ANKS1B: variants seen among roughly 807,000 people sequenced by gnomAD.
ANKS1B encodes ankyrin repeat and sterile alpha motif domain-containing protein 1B.
ANKS1B carries 36 observed loss-of-function variants against 148.3 expected under a neutral mutation model. The ratio of observed to expected loss-of-function variants is 0.24; its 90% CI spans 0.19 to 0.32. The LOEUF (loss-of-function observed/expected upper bound fraction) is 0.32, where lower values mean the gene tolerates loss of function less well. ANKS1B is among the 10% of genes least tolerant of loss of function. ANKS1B has a pLI of 1.00. For missense variants in ANKS1B, 1,157 were observed against 1,542.6 expected, an observed-to-expected ratio of 0.75 and a Z score of 4.19; for synonymous variants, 542 against 560.8, an observed-to-expected ratio of 0.97 and a Z score of 0.47.
chr12:99,138,993 C>T (rs2069135439), intron 15 of ANKS1B, among the ~76,000 whole-genome samples: 1 of 148,588 alleles, frequency 6.7e-6, no homozygotes, highest in African/African-American at 2.5e-5. Context: ...TCCCTCCCTC[C>T]CTCAACCTCT....
intron 17 of ANKS1B, among the ~76,000 whole-genome samples, chr12:98,908,238 C>A (rs981417415): frequency 6.6e-6 from 1 of 152,166 alleles, no homozygotes; most frequent in Non-Finnish European, 1.5e-5. Context: ...TCATTTTATA[C>A]CAGGCCTTGC....
chr12:98,836,078 G>T (rs1019291157), intron 17 of ANKS1B, among the ~76,000 whole-genome samples: 1 of 152,102 alleles, frequency 6.6e-6, no homozygotes, highest in Non-Finnish European at 1.5e-5. Context: ...ACATGGCTAG[G>T]ATGTGCACCT....
chr12:98,988,392 A>G (rs2099924669), intron 17 of ANKS1B, among the ~76,000 whole-genome samples: 1 of 151,966 alleles, frequency 6.6e-6, no homozygotes, highest in Admixed American at 6.5e-5. Context: ...CACTTAACAT[A>G]ATGTCCTTGA....
chr12:99,806,765 CAG>C, intron 3 of ANKS1B, 65 bp from the exon 4 acceptor site: 1 of 1,470,012 alleles, frequency 6.8e-7, no homozygotes, highest in Non-Finnish European at 9.3e-7. Flanking sequence ...AATCTTAACA[CAG>C]TAATTTAAAA....
intron 12 of ANKS1B, among the ~76,000 whole-genome samples, chr12:99,385,957 T>G (rs1173371098): frequency 2.6e-5 from 4 of 152,184 alleles, no homozygotes; most frequent in Non-Finnish European, 5.9e-5. Flanking sequence ...GTTTGTTTAG[T>G]TAATAGTGCT....
intron 17 of ANKS1B, among the ~76,000 whole-genome samples, chr12:98,927,071 C>T (rs2099809257): frequency 6.6e-6 from 1 of 152,100 alleles, no homozygotes; most frequent in South Asian, 2.1e-4. Context: ...TACTACATTA[C>T]AGCCAAACTT....
intron 19 of ANKS1B, among the ~76,000 whole-genome samples, chr12:98,813,469 G>A (rs536061434): frequency 6.0e-4 from 91 of 151,494 alleles, no homozygotes; most frequent in African/African-American, 2.1e-3. Context: ...TGCCTTCTTC[G>A]GCCTCCGGAA....
chr12:99,424,983 T>G (rs555973755), intron 11 of ANKS1B, among the ~76,000 whole-genome samples: 1 of 152,128 alleles, frequency 6.6e-6, no homozygotes, highest in South Asian at 2.1e-4. Context: ...ACCTCACTTC[T>G]AAGTTCTTTT....
chr12:99,267,586 T>TTCATTCATTCATTC (rs1566772319), intron 12 of ANKS1B, among the ~76,000 whole-genome samples: 7 of 93,614 alleles, frequency 7.5e-5, no homozygotes, highest in African/African-American at 2.5e-4. Flanking sequence ...TTCATTCATT[T>TTCATTCATTCATTC]ATTCAATCTT....
At chr12:99,616,946 A>C (rs987342903) in intron 9 of ANKS1B, among the ~76,000 whole-genome samples, 5 of 152,178 alleles carry the variant, frequency 3.3e-5, no homozygotes, top group South Asian at 4.1e-4. Context: ...TTTACAAGAA[A>C]AAAAAACAAA....
intron 10 of ANKS1B, among the ~76,000 whole-genome samples, chr12:99,501,580 C>G (rs1035678016): frequency 2.6e-5 from 4 of 152,104 alleles, no homozygotes; most frequent in Non-Finnish European, 4.4e-5. Flanking sequence ...CCTTGGAGTC[C>G]CCTTGGGGTG....
intron 8 of ANKS1B, among the ~76,000 whole-genome samples, chr12:99,661,363 T>A (rs1279173994): frequency 3.9e-5 from 6 of 152,178 alleles, no homozygotes; most frequent in Admixed American, 3.9e-4. Context: ...ACATACAGCT[T>A]AGAAGGTATA....
intron 17 of ANKS1B, among the ~76,000 whole-genome samples, chr12:99,010,472 G>A (rs1195465179): frequency 6.6e-6 from 1 of 152,090 alleles, no homozygotes; most frequent in African/African-American, 2.4e-5. Flanking sequence ...AAGGAGTGAG[G>A]ACCAACATAT....
intron 9 of ANKS1B, among the ~76,000 whole-genome samples, chr12:99,625,808 G>A (rs1350051481): frequency 6.6e-6 from 1 of 152,130 alleles, no homozygotes; most frequent in Non-Finnish European, 1.5e-5. Flanking sequence ...ATCACAGAGA[G>A]TAGTAAGAAA....
chr12:98,974,228 GTTGT>G (rs2099887850), intron 17 of ANKS1B, among the ~76,000 whole-genome samples: 1 of 152,156 alleles, frequency 6.6e-6, no homozygotes, highest in Non-Finnish European at 1.5e-5. Context: ...CCAGCTCAGT[GTTGT>G]TTGTGTTATA....
At chr12:99,155,213 T>A in intron 14 of ANKS1B, 1 of 1,106,880 alleles carries the variant, frequency 9.0e-7, no homozygotes, top group Non-Finnish European at 1.2e-6. Context: ...TCCTGTCTTT[T>A]CTTCTTCCTT....
intron 17 of ANKS1B, among the ~76,000 whole-genome samples, chr12:98,911,322 A>G (rs907857212): frequency 4.6e-5 from 7 of 152,290 alleles, no homozygotes; most frequent in African/African-American, 1.7e-4. Flanking sequence ...TCAGGGACCT[A>G]AAGAAAGCAT....
At chr12:98,975,774 C>T (rs1395523739) in intron 17 of ANKS1B, among the ~76,000 whole-genome samples, 2 of 152,004 alleles carry the variant, frequency 1.3e-5, no homozygotes, top group African/African-American at 4.8e-5. Flanking sequence ...TAAGAGTGAA[C>T]ACACACCTGC....
chr12:99,426,459 T>A (rs2095256599), intron 11 of ANKS1B, among the ~76,000 whole-genome samples: 1 of 152,202 alleles, frequency 6.6e-6, no homozygotes, highest in African/African-American at 2.4e-5. Context: ...TTAGCATTTA[T>A]TGCTTGCTGT....
Sources: gnomAD v4.1 joint callset for allele counts (sites outside exome capture counted in the v4.1 genomes callset) on GRCh38, gnomAD v4.1.1 for gene constraint, MANE v1.5 for transcripts, NCBI Gene and HGNC (gene_info 2026-07-23, HGNC 2026-07-21) for gene names.